The following RIMBP2 variants were observed in gnomAD, a reference collection of about 807,000 sequenced individuals.
RIMBP2 encodes the protein RIMS binding protein 2, also known as RIMS-binding protein 2.
In RIMBP2, 48 loss-of-function variants were observed where a neutral mutation model predicts 118.6. The observed-to-expected ratio is 0.40, with a 90% CI of 0.32 to 0.51. The LOEUF is 0.51. RIMBP2 is among the 20% of genes least tolerant of loss of function. The pLI is 0.41. For synonymous variants in RIMBP2, 762 were observed against 742.9 expected (o/e 1.03, Z -0.42); for missense variants, 1,551 against 1,768.3 (o/e 0.88, Z 2.20).
At chr12:130,448,893 C>T (rs944516520) in intron 9 of RIMBP2, among the ~76,000 whole-genome samples, 1 of 152,236 alleles carries the variant, frequency 6.6e-6, no homozygotes, top group Admixed American at 6.5e-5. Context: ...GAATGTGATC[C>T]GCTGATCCTC....
intron 1 of RIMBP2, among the ~76,000 whole-genome samples, chr12:130,687,979 G>A (rs568056979): frequency 6.6e-5 from 10 of 152,260 alleles, no homozygotes; most frequent in African/African-American, 2.2e-4. Context: ...TTATTACCAC[G>A]AGAGACAGTG....
At chr12:130,441,693 G>A (rs544270419) in intron 11 of RIMBP2, among the ~76,000 whole-genome samples, 155 bp downstream of exon 11, 5 of 152,208 alleles carry the variant, frequency 3.3e-5, no homozygotes, top group African/African-American at 1.2e-4. Context: ...ACGCACACAC[G>A]TTCTGTGCTT....
At chr12:130,709,359 C>T (rs1949728555) in intron 1 of RIMBP2, among the ~76,000 whole-genome samples, 1 of 152,222 alleles carries the variant, frequency 6.6e-6, no homozygotes. Context: ...GACTCAGCCA[C>T]AGGCTGAAGA....
At chr12:130,411,404 G>A (rs1388112917) in intron 19 of RIMBP2, among the ~76,000 whole-genome samples, 1 of 152,142 alleles carries the variant, frequency 6.6e-6, no homozygotes, top group Non-Finnish European at 1.5e-5. Context: ...AAGGAGTGGT[G>A]AGGGCCGACA....
chr12:130,495,781 A>T (rs536500347), intron 4 of RIMBP2, among the ~76,000 whole-genome samples: 1 of 152,332 alleles, frequency 6.6e-6, no homozygotes, highest in South Asian at 2.1e-4. Context: ...ATCACTGGGC[A>T]CATTCTATGC....
chr12:130,556,693 C>T lies in RIMBP2; in HGVS notation c.-216-38776G>A, dbSNP rs532590201. Among the ~76,000 whole-genome samples, 4 of 152,324 alleles carry T rather than the reference C, an allele frequency of 2.6e-5. No individual in the cohort carries two copies. In the East Asian group the frequency reaches 7.7e-4, roughly 29 times the overall value. On this transcript the variant is annotated intron_variant, in intron 2 of 22. Coordinates refer to ENST00000690449, the MANE Select transcript of RIMBP2 (RefSeq NM_001393629.1). ...AGACGGGGGAGGCTCCCCACCTTCT[C>T]GCCTGCTACCCTCCCAACTCAAGAT...
chr12:130,689,974 T>C (rs1376420581), intron 1 of RIMBP2, among the ~76,000 whole-genome samples: 1 of 152,154 alleles, frequency 6.6e-6, no homozygotes, highest in South Asian at 2.1e-4. Context: ...CTACTCTCAG[T>C]GCACTCAGGC....
chr12:130,709,577 G>A (rs1192774485), intron 1 of RIMBP2, among the ~76,000 whole-genome samples: 3 of 152,196 alleles, frequency 2.0e-5, no homozygotes, highest in African/African-American at 7.2e-5. Context: ...CCCCTCTCAG[G>A]GAGAGGGAAG....
intron 2 of RIMBP2, among the ~76,000 whole-genome samples, chr12:130,602,026 C>T (rs898671580): frequency 1.3e-5 from 2 of 152,102 alleles, no homozygotes; most frequent in African/African-American, 2.4e-5. Context: ...TGGCCAGGCA[C>T]GGTGGCTCGT....
At chr12:130,436,339 A>G (rs142568573) in intron 13 of RIMBP2, among the ~76,000 whole-genome samples, 17 of 152,340 alleles carry the variant, frequency 1.1e-4, no homozygotes, top group Non-Finnish European at 2.5e-4. Context: ...ACACATAGGT[A>G]CAGATGTATG....
chr12:130,601,679 C>T (rs2059892314), intron 2 of RIMBP2, among the ~76,000 whole-genome samples: 1 of 152,164 alleles, frequency 6.6e-6, no homozygotes, highest in African/African-American at 2.4e-5. Context: ...GTTCTTTGTG[C>T]ATATGTAACT....
At position 130,688,220 on chromosome 12, in the gene RIMBP2, C is replaced by T. The variant is rs1339781295; in HGVS notation, c.-352+28002G>A. ...GAACAGTTGCGTGGTGGCTTCTCAG[C>T]GGCCTTGGTGGCATGGGCAACACGT... On this transcript the variant is annotated intron_variant, in intron 1 of 22. Coordinates refer to ENST00000690449, the MANE Select transcript of RIMBP2 (RefSeq NM_001393629.1). The surrounding 1 kb of genome is among the most constrained non-coding windows in gnomAD (Gnocchi z 4.7). Among the ~76,000 whole-genome samples, 1 of 152,236 alleles carries T rather than the reference C, an allele frequency of 6.6e-6. No homozygotes were observed. The highest frequency in any genetic ancestry group is 1.9e-4 in the East Asian group (1 of 5,146).
chr12:130,584,495 TCAC>T (rs1264580997), intron 2 of RIMBP2, among the ~76,000 whole-genome samples: 1 of 87,790 alleles, frequency 1.1e-5, no homozygotes, highest in African/African-American at 4.6e-5. Context: ...CACCATCACA[TCAC>T]CACCATCACC....
intron 2 of RIMBP2, among the ~76,000 whole-genome samples, chr12:130,614,240 C>A (rs761810050): frequency 6.6e-6 from 1 of 152,172 alleles, no homozygotes; most frequent in African/African-American, 2.4e-5. Context: ...AAGTTACTTA[C>A]GGCCAAGGAC....
intron 1 of RIMBP2, among the ~76,000 whole-genome samples, chr12:130,636,476 C>T (rs2062356116): frequency 6.6e-6 from 1 of 152,202 alleles, no homozygotes; most frequent in African/African-American, 2.4e-5. Context: ...TTGGACCTCA[C>T]TAAACCTCAA....
At chr12:130,679,556 G>C (rs1052366741) in intron 1 of RIMBP2, among the ~76,000 whole-genome samples, 15 of 152,210 alleles carry the variant, frequency 9.9e-5, no homozygotes, top group African/African-American at 3.4e-4. Context: ...CCAAGGTCCT[G>C]AGGTGTCCTG....
rs61934580 is a variant in RIMBP2, at chr12:130,537,054, T to G, written c.-216-19137A>C. On this transcript the variant is annotated intron_variant, in intron 2 of 22. Coordinates refer to ENST00000690449, the MANE Select transcript of RIMBP2 (RefSeq NM_001393629.1). ...AATAAACAAGGAGGGACTGAGAAAC[T>G]CTCACAAATCTTAGTAAGAAAACTC... Among the ~76,000 whole-genome samples the G allele has an allele frequency of 6.2e-3, 943 of 152,216 alleles. 5 individuals carry two copies. The highest frequency in any genetic ancestry group is 0.02 in the Middle Eastern group (6 of 294).
At chr12:130,680,189 C>T (rs2064710537) in intron 1 of RIMBP2, among the ~76,000 whole-genome samples, 1 of 152,266 alleles carries the variant, frequency 6.6e-6, no homozygotes, top group African/African-American at 2.4e-5. Flanking sequence ...GGAAAGTTCT[C>T]AGTAAAAATC....
chr12:130,597,910 TAGAC>T (rs1208259807), intron 2 of RIMBP2, among the ~76,000 whole-genome samples: 3 of 152,162 alleles, frequency 2.0e-5, no homozygotes, highest in Non-Finnish European at 4.4e-5. Context: ...GAATGAGAAA[TAGAC>T]AGCATTTATA....
Sources: allele counts gnomAD v4.1 joint callset (sites outside exome capture counted in the v4.1 genomes callset), GRCh38; gene constraint gnomAD v4.1.1; non-coding constraint Gnocchi (gnomAD v3.1); transcripts MANE v1.5; gene names NCBI Gene and HGNC (gene_info 2026-07-23, HGNC 2026-07-21).